Variants in RARB observed in about 807,000 individuals in gnomAD.
The protein encoded by RARB is HBV-activated protein.
Under a neutral mutation model 51.9 loss-of-function variants are expected in RARB, and 17 were observed. The observed-to-expected ratio is 0.33, with a 90% CI of 0.22 to 0.49. RARB has a LOEUF of 0.49. Among genes scored for constraint, RARB ranks in the 20% least tolerant of loss-of-function variants. The pLI, the probability that RARB is intolerant of heterozygous loss-of-function variation, is 0.99. For missense variants in RARB, 369 were observed against 550.8 expected (o/e 0.67, Z 3.30); for synonymous variants, 215 against 195.4 (o/e 1.10, Z -0.84).
At chr3:24,946,128 G>C (rs751156329) in intron 2 of RARB, among the ~76,000 whole-genome samples, 1 of 151,886 alleles carries the variant, frequency 6.6e-6, no homozygotes, top group Non-Finnish European at 1.5e-5. Context: ...AGCCAGGTGT[G>C]GTGGCAGCTG....
chr3:25,348,343 A>G (rs1705459003), intron 5 of RARB, among the ~76,000 whole-genome samples: 1 of 151,800 alleles, frequency 6.6e-6, no homozygotes, highest in Non-Finnish European at 1.5e-5. Context: ...GGTACTCACT[A>G]AAATATTTGC....
intron 2 of RARB, among the ~76,000 whole-genome samples, chr3:24,991,258 T>C (rs1348370565): frequency 1.3e-5 from 2 of 152,156 alleles, no homozygotes; most frequent in Admixed American, 1.3e-4. Flanking sequence ...CTGGTCATCA[T>C]GGCGAAAGCC....
chr3:24,974,493 T>G (rs6775590), intron 2 of RARB, among the ~76,000 whole-genome samples: 2 of 151,874 alleles, frequency 1.3e-5, no homozygotes, highest in African/African-American at 4.8e-5. Context: ...ATGTCATGGA[T>G]GTTAAAATAC....
intron 5 of RARB, among the ~76,000 whole-genome samples, chr3:25,239,764 G>A (rs1575246576): frequency 6.6e-6 from 1 of 152,054 alleles, no homozygotes; most frequent in African/African-American, 2.4e-5. Context: ...TTTGTGTTCA[G>A]GGTTGCTTTG....
chr3:25,051,999 T>C (rs948432388), intron 2 of RARB, among the ~76,000 whole-genome samples: 1 of 152,170 alleles, frequency 6.6e-6, no homozygotes, highest in East Asian at 1.9e-4. Flanking sequence ...CAGTATAAGA[T>C]GTTTTGTTGA....
At chr3:24,936,520 T>G (rs1438785970) in intron 2 of RARB, among the ~76,000 whole-genome samples, 1 of 152,218 alleles carries the variant, frequency 6.6e-6, no homozygotes, top group Admixed American at 6.5e-5. Flanking sequence ...TAATTTGATT[T>G]TCTACTTCTC....
At chr3:25,554,123 G>T (rs1005492019) in intron 3 of RARB, among the ~76,000 whole-genome samples, 1 of 151,076 alleles carries the variant, frequency 6.6e-6, no homozygotes, top group Non-Finnish European at 1.5e-5. Context: ...TGGTTAGGGT[G>T]GGGGAGGGGA....
intron 5 of RARB, among the ~76,000 whole-genome samples, chr3:25,275,343 C>T (rs903212835): frequency 6.6e-6 from 1 of 152,160 alleles, no homozygotes; most frequent in Non-Finnish European, 1.5e-5. Context: ...TGCCTGTAGT[C>T]CCAGCTACTC....
At chr3:25,559,566 C>G (rs974639393) in intron 3 of RARB, among the ~76,000 whole-genome samples, 2 of 152,188 alleles carry the variant, frequency 1.3e-5, no homozygotes, top group African/African-American at 4.8e-5. Flanking sequence ...CCTTCTTACT[C>G]TTGTGTCTTT....
chr3:25,142,027 G>C (rs1700114772), intron 4 of RARB, among the ~76,000 whole-genome samples: 1 of 152,226 alleles, frequency 6.6e-6, no homozygotes, highest in Admixed American at 6.5e-5. Flanking sequence ...TCACCTGAGA[G>C]CTTGTTAGAC....
intron 5 of RARB, among the ~76,000 whole-genome samples, chr3:25,203,818 C>A (rs1701458272): frequency 6.6e-6 from 1 of 152,226 alleles, no homozygotes; most frequent in South Asian, 2.1e-4. Flanking sequence ...GTCTGATGGG[C>A]TTCCCTTTGC....
intron 2 of RARB, among the ~76,000 whole-genome samples, chr3:25,470,986 C>G (rs1695658477): frequency 6.6e-6 from 1 of 152,026 alleles, no homozygotes; most frequent in Admixed American, 6.6e-5. Context: ...TAAGTTATAT[C>G]TAATTATACA....
At chr3:25,091,840 A>G (rs550435396) in intron 3 of RARB, among the ~76,000 whole-genome samples, 2 of 152,278 alleles carry the variant, frequency 1.3e-5, no homozygotes, top group South Asian at 4.1e-4. Context: ...CTGTGATCAT[A>G]TTGGTTTGGT....
chr3:25,448,757 G>A (rs926425240), intron 1 of RARB, among the ~76,000 whole-genome samples: 6 of 152,158 alleles, frequency 3.9e-5, no homozygotes, highest in African/African-American at 1.2e-4. Context: ...GTGAGCCACC[G>A]TGCCCGGCCG....
chr3:25,081,391 G>A (rs1427738711), intron 3 of RARB, among the ~76,000 whole-genome samples: 10 of 150,602 alleles, frequency 6.6e-5, no homozygotes, highest in Non-Finnish European at 1.5e-4. Context: ...CATATTTTGT[G>A]GTTGTGGAAT....
At chr3:25,090,426 G>A (rs541485637) in intron 3 of RARB, among the ~76,000 whole-genome samples, 17 of 152,080 alleles carry the variant, frequency 1.1e-4, no homozygotes, top group Admixed American at 6.6e-5. Context: ...CACTGCCTGT[G>A]TTCAATATAT....
chr3:24,901,680 C>T (rs1353879251), intron 2 of RARB, among the ~76,000 whole-genome samples: 1 of 152,150 alleles, frequency 6.6e-6, no homozygotes, highest in Admixed American at 6.5e-5. Context: ...CTAGCATGTC[C>T]ATTAGCTCTC....
At chr3:25,051,403 A>T (rs1214880154) in intron 2 of RARB, among the ~76,000 whole-genome samples, 1 of 152,198 alleles carries the variant, frequency 6.6e-6, no homozygotes, top group East Asian at 1.9e-4. Context: ...ACTTTCAAAG[A>T]ACTGTCTAAA....
chr3:25,486,935 T>C (rs912546424), intron 2 of RARB, among the ~76,000 whole-genome samples: 1 of 152,214 alleles, frequency 6.6e-6, no homozygotes, highest in Non-Finnish European at 1.5e-5. Flanking sequence ...TTTCTTAGAT[T>C]AGGACAAGGT....
Sources: gnomAD v4.1 joint callset for allele counts (sites outside exome capture counted in the v4.1 genomes callset) on GRCh38, gnomAD v4.1.1 for gene constraint, MANE v1.5 for transcripts, NCBI Gene and HGNC (gene_info 2026-07-23, HGNC 2026-07-21) for gene names.